The following POC5 variants were observed in gnomAD, a reference collection of about 807,000 sequenced individuals.
POC5 encodes centrosomal protein POC5.
Under a neutral mutation model 62.9 loss-of-function variants are expected in POC5, and 48 were observed. That is an observed-to-expected ratio of 0.76 (90% CI 0.61 to 0.97). POC5 has a LOEUF of 0.97. Among genes scored for constraint, POC5 ranks in the 50% least tolerant of loss-of-function variants. POC5 has a pLI of 0.00. For synonymous variants in POC5, 236 were observed against 228.2 expected (o/e 1.03, Z -0.31); for missense variants, 696 against 679.5 (o/e 1.02, Z -0.27).
At chr5:75,681,472 A>G (rs1043398365) in intron 10 of POC5, among the ~76,000 whole-genome samples, 1 of 152,110 alleles carries the variant, frequency 6.6e-6, no homozygotes, top group Non-Finnish European at 1.5e-5. Context: ...TATGAACTGC[A>G]ATATGCTTGC....
intron 6 of POC5, 135 bp downstream of exon 6, chr5:75,694,520 C>T: frequency 1.5e-6 from 1 of 682,708 alleles, no homozygotes; most frequent in South Asian, 2.7e-5. Context: ...AGAATAAATC[C>T]AATGGCTATG....
intron 11 of POC5, 134 bp from the exon 12 acceptor site, chr5:75,674,712 G>T: frequency 8.7e-7 from 1 of 1,149,066 alleles, no homozygotes; most frequent in Non-Finnish European, 1.2e-6. Flanking sequence ...TGAGTGGAGT[G>T]AAGCAGCTGT....
intron 6 of POC5, among the ~76,000 whole-genome samples, 168 bp from the exon 7 acceptor site, chr5:75,692,668 T>C (rs769418952): frequency 1.3e-5 from 2 of 152,118 alleles, no homozygotes; most frequent in Non-Finnish European, 2.9e-5. Flanking sequence ...CTTTCTCACA[T>C]GAATATACTA....
At chr5:75,704,864 T>G (rs1364757510) in intron 4 of POC5, among the ~76,000 whole-genome samples, 1 of 152,210 alleles carries the variant, frequency 6.6e-6, no homozygotes, top group Non-Finnish European at 1.5e-5. Flanking sequence ...TTATTCTGAC[T>G]AGTCAAGAAA....
intron 4 of POC5, among the ~76,000 whole-genome samples, chr5:75,705,066 G>A (rs1485564792): frequency 6.6e-6 from 1 of 152,114 alleles, no homozygotes; most frequent in Non-Finnish European, 1.5e-5. Flanking sequence ...TAGGTGTGGT[G>A]GCATGTGCCT....
intron 6 of POC5, among the ~76,000 whole-genome samples, chr5:75,694,010 A>C (rs1488115010): frequency 6.6e-6 from 1 of 152,230 alleles, no homozygotes; most frequent in Admixed American, 6.5e-5. Flanking sequence ...CATCACAGAT[A>C]GAATTTGAGA....
intron 5 of POC5, among the ~76,000 whole-genome samples, chr5:75,697,620 A>G (rs1337262948): frequency 6.6e-6 from 1 of 152,184 alleles, no homozygotes; most frequent in Non-Finnish European, 1.5e-5. Flanking sequence ...TGTAAAGACC[A>G]TCGAGACTAG....
intron 11 of POC5, among the ~76,000 whole-genome samples, chr5:75,677,104 G>A (rs939118413): frequency 6.6e-6 from 1 of 152,048 alleles, no homozygotes; most frequent in African/African-American, 2.4e-5. Flanking sequence ...ATAACCCAAG[G>A]AGCTAACTAT....
intron 4 of POC5, among the ~76,000 whole-genome samples, chr5:75,703,179 A>T (rs1776963059): frequency 6.6e-6 from 1 of 152,220 alleles, no homozygotes; most frequent in African/African-American, 2.4e-5. Flanking sequence ...ATTAGTTCTC[A>T]TAACACATGC....
intron 2 of POC5, chr5:75,712,553 A>T: frequency 8.8e-7 from 1 of 1,139,774 alleles, no homozygotes; most frequent in African/African-American, 1.6e-5. Flanking sequence ...CATGAGAGGT[A>T]GCTAAAATGA....
At chr5:75,682,321 G>T (rs879408987) in intron 10 of POC5, among the ~76,000 whole-genome samples, 1 of 152,140 alleles carries the variant, frequency 6.6e-6, no homozygotes, top group African/African-American at 2.4e-5. Context: ...TACATTTTAG[G>T]AAGAGAATTT....
intron 3 of POC5, 106 bp downstream of exon 3, chr5:75,707,631 T>A (rs1282163430): frequency 2.2e-6 from 2 of 900,926 alleles, no homozygotes; most frequent in Non-Finnish European, 1.7e-6. Flanking sequence ...CATAAATGGT[T>A]GAGAAGAATC....
chr5:75,705,597 C>T, intron 4 of POC5, 107 bp downstream of exon 4: 12 of 631,682 alleles, frequency 1.9e-5, no homozygotes, highest in South Asian at 2.9e-5. Context: ...TTTTAAAATC[C>T]TGCTAATAAA....
At chr5:75,698,380 A>T (rs1188817966) in intron 5 of POC5, among the ~76,000 whole-genome samples, 2 of 152,170 alleles carry the variant, frequency 1.3e-5, no homozygotes, top group Non-Finnish European at 2.9e-5. Context: ...CTCAGACCAC[A>T]TGCAATCAAA....
chr5:75,683,522 C>T (rs936563005), intron 10 of POC5, among the ~76,000 whole-genome samples: 4 of 152,076 alleles, frequency 2.6e-5, no homozygotes, highest in Admixed American at 6.6e-5. Context: ...CATGAGCCGC[C>T]GCGCATGGCT....
At chr5:75,681,618 TTAAA>T (rs1034481649) in intron 10 of POC5, among the ~76,000 whole-genome samples, 14 of 148,508 alleles carry the variant, frequency 9.4e-5, no homozygotes, top group African/African-American at 3.3e-4. Context: ...TTATTTAAAT[TTAAA>T]TAATTTTTTA....
At chr5:75,711,628 A>G (rs1389614075) in intron 2 of POC5, among the ~76,000 whole-genome samples, 2 of 152,256 alleles carry the variant, frequency 1.3e-5, no homozygotes, top group East Asian at 3.9e-4. Context: ...CAGTAGTGAA[A>G]CCCAAAGTAA....
Position 75,702,662 on chromosome 5 carries a change from A to C in POC5, c.456T>G (p.Ser152=), listed in dbSNP as rs200326445. 1.2e-4 allele frequency: 187 copies of C among 1,613,030 alleles called. No homozygotes were observed. In the African/African-American group the frequency reaches 2.2e-3, roughly 19 times the overall value. Reference sequence around the variant, plus strand: ...TTTCCATCTTCTGAAGGTTTTCATCAGAAACAAGAAAATCGCTCACAAGTA... The same window carrying C: ...TTTCCATCTTCTGAAGGTTTTCATCCGAAACAAGAAAATCGCTCACAAGTA... ...HEILVSDFLV[S]DENLQKMENV... The change falls in exon 5 of 12, where the codon TCT becomes TCG. Residue 152 remains serine, a synonymous_variant. Coordinates refer to ENST00000428202, the MANE Select transcript of POC5 (RefSeq NM_001099271.2).
intron 5 of POC5, among the ~76,000 whole-genome samples, chr5:75,700,914 T>C (rs6873876): frequency 0.052 from 7,041 of 136,318 alleles, 778 homozygotes; most frequent in African/African-American, 0.18. Flanking sequence ...GCAAAGGACA[T>C]GAACAGACAC....
Sources: allele counts gnomAD v4.1 joint callset (sites outside exome capture counted in the v4.1 genomes callset), GRCh38; gene constraint gnomAD v4.1.1; transcripts MANE v1.5; gene names NCBI Gene and HGNC (gene_info 2026-07-23, HGNC 2026-07-21).